Variants in CRPPA observed in about 807,000 individuals in gnomAD.
CRPPA encodes the protein CDP-L-ribitol pyrophosphorylase A, also known as D-ribitol-5-phosphate cytidylyltransferase.
A neutral mutation model predicts 52.0 loss-of-function variants in CRPPA; 43 were observed. The ratio of observed to expected loss-of-function variants is 0.83; its 90% CI spans 0.65 to 1.07. The LOEUF (loss-of-function observed/expected upper bound fraction) is 1.07, where lower values mean the gene tolerates loss of function less well. Ranked by LOEUF, CRPPA falls within the 50% of genes least tolerant of loss-of-function variation. The probability of loss-of-function intolerance (pLI) is 0.00; values close to 1 mark genes in which losing one functional copy is unlikely to be tolerated. For missense variants in CRPPA, 629 were observed against 551.7 expected (o/e 1.14, Z -1.40); for synonymous variants, 250 against 203.5 (o/e 1.23, Z -1.94).
At chr7:16,365,677 C>T (rs1786572408) in intron 3 of CRPPA, among the ~76,000 whole-genome samples, 1 of 152,104 alleles carries the variant, frequency 6.6e-6, no homozygotes, top group South Asian at 2.1e-4. Context: ...GACCTCCAAA[C>T]AAACTTGAGG....
At chr7:16,417,318 C>G (rs1435694384) in intron 1 of CRPPA, among the ~76,000 whole-genome samples, 1 of 152,204 alleles carries the variant, frequency 6.6e-6, no homozygotes, top group Non-Finnish European at 1.5e-5. Context: ...AAAACAAATG[C>G]TTCTACCAAA....
chr7:16,309,677 A>C (rs1784993386), intron 3 of CRPPA, among the ~76,000 whole-genome samples: 1 of 151,918 alleles, frequency 6.6e-6, no homozygotes, highest in South Asian at 2.1e-4. Flanking sequence ...TGCCCAGCTG[A>C]GACTTATTTT....
At chr7:16,208,505 C>T (rs1383495100) in intron 9 of CRPPA, among the ~76,000 whole-genome samples, 4 of 152,074 alleles carry the variant, frequency 2.6e-5, no homozygotes, top group Admixed American at 2.0e-4. Flanking sequence ...TCATAAAGAT[C>T]TTCTAAATTA....
At chr7:16,157,830 G>A (rs992909903) in intron 9 of CRPPA, among the ~76,000 whole-genome samples, 9 of 151,482 alleles carry the variant, frequency 5.9e-5, no homozygotes, top group Non-Finnish European at 1.3e-4. Flanking sequence ...CTTGCTTCCT[G>A]TTGTGTCACT....
intron 2 of CRPPA, among the ~76,000 whole-genome samples, chr7:16,381,202 G>A (rs908617913): frequency 2.0e-5 from 3 of 152,076 alleles, no homozygotes; most frequent in Non-Finnish European, 4.4e-5. Context: ...CATTGTTCTG[G>A]TTGGTTTCAA....
chr7:16,114,267 G>A, intron 9 of CRPPA, among the ~76,000 whole-genome samples: 1 of 150,144 alleles, frequency 6.7e-6, no homozygotes, highest in South Asian at 2.1e-4. Context: ...AAATAGTACT[G>A]AACGAGATCA....
chr7:16,373,717 T>C (rs1204449744), intron 3 of CRPPA, among the ~76,000 whole-genome samples: 1 of 152,216 alleles, frequency 6.6e-6, no homozygotes, highest in Non-Finnish European at 1.5e-5. Context: ...AGTAAGGTTC[T>C]AGATAGTGGG....
intron 3 of CRPPA, among the ~76,000 whole-genome samples, chr7:16,312,219 C>T (rs372147256): frequency 1.3e-5 from 2 of 151,934 alleles, no homozygotes; most frequent in South Asian, 2.1e-4. Flanking sequence ...GGAGAAATTA[C>T]ATCTTGACAA....
chr7:16,302,295 C>CAAAAAAAA lies in CRPPA; in HGVS notation c.790-837_790-830dup, dbSNP rs34666735. Among the ~76,000 whole-genome samples, 39 of 53,370 alleles carry CAAAAAAAA rather than the reference C, an allele frequency of 7.3e-4. 8 individuals are homozygous for CAAAAAAAA. Among genetic ancestry groups the CAAAAAAAA allele is most frequent in the African/African-American group, 2.9e-3 (38 of 12,890 alleles). The allele number at this position is 53,370 out of a possible 152,430, so 35.0% of individuals were successfully genotyped here. On this transcript the variant is annotated intron_variant, in intron 4 of 9. Transcript: ENST00000407010. ...TGGGCTACAGAGCGAGACTCTGTCT[C>CAAAAAAAA]AAAAAAAAAAAAAAAAAAAAAAAAA... is the stretch of plus-strand genomic sequence containing the variant.
chr7:16,179,504 G>A (rs1420360066), intron 9 of CRPPA, among the ~76,000 whole-genome samples: 1 of 152,072 alleles, frequency 6.6e-6, no homozygotes, highest in Non-Finnish European at 1.5e-5. Context: ...GTAAGAGAGA[G>A]AGGTGTAACA....
intron 8 of CRPPA, among the ~76,000 whole-genome samples, chr7:16,242,968 CT>C (rs907343120): frequency 1.3e-5 from 2 of 152,152 alleles, no homozygotes; most frequent in Non-Finnish European, 2.9e-5. Context: ...CTGAAATCTG[CT>C]TTACTTCAAG....
At chr7:16,266,463 G>C (rs905050039) in intron 6 of CRPPA, among the ~76,000 whole-genome samples, 2 of 148,564 alleles carry the variant, frequency 1.3e-5, no homozygotes, top group African/African-American at 5.0e-5. Context: ...AGAATTTAAG[G>C]CTCCCGTTTT....
rs1333768078 is a variant in CRPPA at position 16,286,092 on chromosome 7, A to AT, written c.836-7867_836-7866insA. Among the ~76,000 whole-genome samples, 111 of 50,336 alleles carry AT rather than the reference A, an allele frequency of 2.2e-3. 7 individuals carry two copies. The highest frequency in any genetic ancestry group is 3.1e-3 in the African/African-American group (26 of 8,396). 33.0% of individuals were successfully genotyped at this position (50,336 alleles called of 152,430 possible). A position where few individuals can be genotyped will look rare whatever the true frequency, so the allele number is the denominator to read the frequency against. On this transcript the variant is annotated intron_variant, in intron 5 of 9. Transcript: ENST00000407010. ...ATATATATATATATAATATTTAAAA[A>AT]AAAAAATATATATATATATATATAT... is the stretch of plus-strand genomic sequence containing the variant.
intron 5 of CRPPA, among the ~76,000 whole-genome samples, chr7:16,288,435 C>A: frequency 6.6e-6 from 1 of 150,804 alleles, no homozygotes; most frequent in Admixed American, 6.6e-5. Context: ...AGTGTAATTC[C>A]AACTTTATTA....
At chr7:16,214,341 G>A (rs1782244692) in intron 9 of CRPPA, among the ~76,000 whole-genome samples, 2 of 151,706 alleles carry the variant, frequency 1.3e-5, no homozygotes, top group Non-Finnish European at 2.9e-5. Context: ...AGAGTTCCAG[G>A]GATTATTTAC....
intron 9 of CRPPA, among the ~76,000 whole-genome samples, chr7:16,126,195 C>T (rs928661710): frequency 3.3e-5 from 5 of 152,032 alleles, no homozygotes; most frequent in Admixed American, 1.3e-4. Flanking sequence ...TCTTAGCAGT[C>T]AATAGGCTCT....
intron 9 of CRPPA, among the ~76,000 whole-genome samples, chr7:16,135,907 G>A (rs1782754273): frequency 6.6e-6 from 1 of 152,086 alleles, no homozygotes; most frequent in Non-Finnish European, 1.5e-5. Flanking sequence ...TTCTTACAGT[G>A]TCCTTTATTA....
At chr7:16,116,705 A>AAAGG (rs1316890213) in intron 9 of CRPPA, among the ~76,000 whole-genome samples, 3 of 151,402 alleles carry the variant, frequency 2.0e-5, no homozygotes, top group Non-Finnish European at 4.4e-5. Flanking sequence ...AAGGGAAGGG[A>AAAGG]GAGAGAGAGA....
At chr7:16,181,963 T>C (rs957679144) in intron 9 of CRPPA, among the ~76,000 whole-genome samples, 6 of 151,962 alleles carry the variant, frequency 3.9e-5, no homozygotes, top group Non-Finnish European at 8.8e-5. Flanking sequence ...GTAATTAATC[T>C]GTAATGAGCA....
Sources: gnomAD v4.1 joint callset for allele counts (sites outside exome capture counted in the v4.1 genomes callset) on GRCh38, gnomAD v4.1.1 for gene constraint, MANE v1.5 for transcripts, NCBI Gene and HGNC (gene_info 2026-07-23, HGNC 2026-07-21) for gene names.